CDH11: variants seen among roughly 807,000 people sequenced by gnomAD.
The protein encoded by CDH11 is cadherin-11.
CDH11 carries 11 observed loss-of-function variants against 67.8 expected under a neutral mutation model. The ratio of observed to expected loss-of-function variants is 0.16; its 90% CI spans 0.10 to 0.27. The LOEUF (loss-of-function observed/expected upper bound fraction) is 0.27, where lower values mean the gene tolerates loss of function less well. Ranked by LOEUF, CDH11 falls within the 10% of genes least tolerant of loss-of-function variation. The probability of loss-of-function intolerance (pLI) is 1.00; values close to 1 mark genes in which losing one functional copy is unlikely to be tolerated. For missense variants in CDH11, 847 were observed against 1,031.2 expected (o/e 0.82, Z 2.45); for synonymous variants, 419 against 400.0 (o/e 1.05, Z -0.57).
At chr16:65,039,788 C>T (rs573179196) in intron 2 of CDH11, among the ~76,000 whole-genome samples, 11 of 152,120 alleles carry the variant, frequency 7.2e-5, no homozygotes, top group East Asian at 5.8e-4. Flanking sequence ...ACAGAATGGG[C>T]GAAAATTTTT....
At chr16:64,971,519 G>T in intron 11 of CDH11, 60 bp downstream of exon 11, 1 of 976,962 alleles carries the variant, frequency 1.0e-6, no homozygotes, top group Non-Finnish European at 1.6e-6. Context: ...GCTATGCAAT[G>T]TAAACGCCAT....
chr16:64,998,672 G>A lies in CDH11; in HGVS notation c.413C>T (p.Pro138Leu). The A allele has an allele frequency of 6.2e-7, 1 of 1,614,038 alleles. No homozygotes were observed. The highest frequency in any genetic ancestry group is 8.5e-7 in the Non-Finnish European group (1 of 1,180,012). ...AATGAATTCCGACGGTGGCTCCAGT[G>A]GCCGATTGGTGTCCCTGTCCACCGC... ...AQAVDRDTNRPLEPPSEFIVK... is the reference protein window; with the variant it reads ...AQAVDRDTNRLLEPPSEFIVK... Residue 138 changes from proline to leucine, a missense_variant, in exon 4 of 13, where the codon CCA becomes CTA. This residue lies in a region of CDH11 where 235 missense variants were observed against 352.5 expected (regional missense o/e 0.67). Coordinates refer to ENST00000268603, the MANE Select transcript of CDH11 (RefSeq NM_001797.4).
chr16:64,977,622 C>G (rs1362855504), intron 8 of CDH11, among the ~76,000 whole-genome samples: 1 of 152,138 alleles, frequency 6.6e-6, no homozygotes, highest in Non-Finnish European at 1.5e-5. Context: ...AGTAATCAAA[C>G]CTTCTTGGGA....
intron 7 of CDH11, among the ~76,000 whole-genome samples, chr16:64,984,193 C>T (rs994201730): frequency 6.6e-6 from 1 of 152,162 alleles, no homozygotes; most frequent in Non-Finnish European, 1.5e-5. Context: ...CCCCTAGTGG[C>T]CCTTTGGCAG....
intron 8 of CDH11, chr16:64,981,097 C>CTTTTTTTTTTTTTTTTTT (rs71376752): frequency 2.6e-5 from 3 of 116,468 alleles, no homozygotes; most frequent in Non-Finnish European, 5.0e-5. Flanking sequence ...TTCTTTCTTT[C>CTTTTTTTTTTTTTTTTTT]TTTTTTTTTT....
At chr16:64,994,743 C>T (rs967344659) in intron 4 of CDH11, among the ~76,000 whole-genome samples, 17 of 152,084 alleles carry the variant, frequency 1.1e-4, no homozygotes, top group Admixed American at 8.5e-4. Flanking sequence ...TAAAAGACAT[C>T]GAAATAGGAA....
chr16:64,961,897 A>T (rs761468363), intron 11 of CDH11, among the ~76,000 whole-genome samples: 42 of 152,178 alleles, frequency 2.8e-4, no homozygotes, highest in Non-Finnish European at 6.0e-4. Context: ...TGTCTCTCTC[A>T]CACACACACC....
intron 1 of CDH11, among the ~76,000 whole-genome samples, chr16:65,108,597 T>G (rs1004000374): frequency 1.3e-5 from 2 of 152,162 alleles, no homozygotes; most frequent in African/African-American, 4.8e-5. Context: ...GATTTAGAAT[T>G]GTTTGCATAA....
intron 1 of CDH11, among the ~76,000 whole-genome samples, chr16:65,111,588 A>G (rs2075157473): frequency 6.6e-6 from 1 of 152,078 alleles, no homozygotes; most frequent in South Asian, 2.1e-4. Context: ...GGCTGCAATA[A>G]AAGAAGTGTG....
chr16:65,117,912 G>A (rs552755905), intron 1 of CDH11, among the ~76,000 whole-genome samples: 1 of 152,178 alleles, frequency 6.6e-6, no homozygotes, highest in East Asian at 1.9e-4. Flanking sequence ...GCTGCTCAAT[G>A]TCAAGTTACA....
At chr16:65,071,202 A>G (rs2074409789) in intron 1 of CDH11, among the ~76,000 whole-genome samples, 2 of 152,220 alleles carry the variant, frequency 1.3e-5, no homozygotes, top group South Asian at 4.1e-4. Flanking sequence ...AAAGGAGGTC[A>G]AGGCAGGGAA....
rs144519279 is a variant in CDH11, at chr16:64,979,818, T to C, written c.1253+2230A>G. ...GCCAAGTTTGGAAACAACTCAAACA[T>C]GTATCCAAATGATAAATGAGCAAAT... On this transcript the variant is annotated intron_variant, in intron 8 of 12. Transcript: ENST00000268603. 2.2e-3 allele frequency among the ~76,000 whole-genome samples: 339 copies of C among 152,236 alleles called. 3 individuals carry two copies. The highest frequency in any genetic ancestry group is 7.5e-3 in the African/African-American group (311 of 41,554).
chr16:65,122,130 GCGGGGC>G, upstream of CDH11: 7 of 511,068 alleles, frequency 1.4e-5, no homozygotes, highest in South Asian at 4.5e-5. Flanking sequence ...GCAGGCGGGT[GCGGGGC>G]GGGGGGGGCG....
intron 2 of CDH11, among the ~76,000 whole-genome samples, chr16:65,029,606 T>C (rs1309489016): frequency 1.3e-5 from 2 of 152,212 alleles, no homozygotes; most frequent in Non-Finnish European, 2.9e-5. Context: ...AATTCTTTCA[T>C]TTATAACTTG....
At chr16:65,069,149 C>T (rs1304486337) in intron 1 of CDH11, among the ~76,000 whole-genome samples, 3 of 152,146 alleles carry the variant, frequency 2.0e-5, no homozygotes, top group Non-Finnish European at 4.4e-5. Flanking sequence ...AATAGGAGAA[C>T]GTTTAAGTAA....
chr16:65,069,252 T>G (rs1179012144), intron 1 of CDH11, among the ~76,000 whole-genome samples: 1 of 152,218 alleles, frequency 6.6e-6, no homozygotes, highest in African/African-American at 2.4e-5. Context: ...CTTGGGACTA[T>G]TTCCACATGG....
intron 2 of CDH11, among the ~76,000 whole-genome samples, chr16:65,037,933 G>T (rs1421229645): frequency 6.6e-6 from 1 of 152,082 alleles, no homozygotes; most frequent in Admixed American, 6.5e-5. Flanking sequence ...CTCTGATGAG[G>T]GGAGAAAGCA....
intron 1 of CDH11, among the ~76,000 whole-genome samples, chr16:65,075,821 T>C (rs2074499082): frequency 6.6e-6 from 1 of 152,160 alleles, no homozygotes; most frequent in Non-Finnish European, 1.5e-5. Flanking sequence ...TAGTTAAACC[T>C]CTCTTACCAA....
chr16:65,090,940 A>G (rs2074782789), intron 1 of CDH11, among the ~76,000 whole-genome samples: 1 of 152,200 alleles, frequency 6.6e-6, no homozygotes, highest in Non-Finnish European at 1.5e-5. Context: ...ATAGTAATTA[A>G]AAATTGAAAA....
Sources: gnomAD v4.1 joint callset for allele counts (sites outside exome capture counted in the v4.1 genomes callset) on GRCh38, gnomAD v4.1.1 for gene constraint, gnomAD v4.1.1 regional missense constraint, MANE v1.5 for transcripts, NCBI Gene and HGNC (gene_info 2026-07-23, HGNC 2026-07-21) for gene names.